PKD1L1: variants seen among roughly 807,000 people sequenced by gnomAD.
PKD1L1 encodes polycystin-1-like protein 1.
A neutral mutation model predicts 323.4 loss-of-function variants in PKD1L1; 236 were observed. That is an observed-to-expected ratio of 0.73 (90% confidence interval 0.66 to 0.81). The LOEUF (loss-of-function observed/expected upper bound fraction) is 0.81. Among genes scored for constraint, PKD1L1 ranks in the 40% least tolerant of loss-of-function variants. PKD1L1 has a pLI of 0.00. For missense variants in PKD1L1, 3,320 were observed against 3,508.0 expected, an observed-to-expected ratio of 0.95 and a Z score of 1.35; for synonymous variants, 1,344 against 1,335.0, an observed-to-expected ratio of 1.01 and a Z score of -0.15.
At chr7:47,886,459 C>T (rs1004739992) in intron 17 of PKD1L1, among the ~76,000 whole-genome samples, 5 of 152,084 alleles carry the variant, frequency 3.3e-5, no homozygotes, top group Non-Finnish European at 7.4e-5. Context: ...GATGTTTTGC[C>T]CCTCTAAGTC....
Position 47,839,366 on chromosome 7 carries a change from T to C in PKD1L1, c.5769+80A>G. ...TTAGAAGAGTTCAAAGACACAACTG[T>C]GGCAAGCGAAGCAGAGACAGGTGCC... On this transcript the variant is annotated intron_variant, in intron 36 of 56. Coordinates refer to ENST00000289672, the MANE Select transcript of PKD1L1 (RefSeq NM_138295.5). This position sits in a 1 kb window ranked among gnomAD's most constrained non-coding sequence, Gnocchi z 4.3. The C allele has an allele frequency of 1.7e-6, 2 of 1,147,522 alleles. No individual in the cohort carries two copies. Among genetic ancestry groups the C allele is most frequent in the Non-Finnish European group, 2.5e-6 (2 of 799,478 alleles). 71.1% of individuals were successfully genotyped at this position (1,147,522 alleles called of 1,614,324 possible). A position where few individuals can be genotyped will look rare whatever the true frequency, so the allele number is the denominator to read the frequency against.
chr7:47,857,499 A>G, intron 28 of PKD1L1, 106 bp downstream of exon 28: 1 of 929,360 alleles, frequency 1.1e-6, no homozygotes, highest in Non-Finnish European at 1.6e-6. Context: ...ACATGCAAAA[A>G]ACAGGTGCAA....
chr7:47,889,142 G>A (rs1176967341), intron 16 of PKD1L1, among the ~76,000 whole-genome samples: 1 of 152,084 alleles, frequency 6.6e-6, no homozygotes, highest in Non-Finnish European at 1.5e-5. Context: ...TGGGGTGATG[G>A]GGGTGCAGAC....
chr7:47,862,557 G>T (rs566020102), intron 26 of PKD1L1, among the ~76,000 whole-genome samples: 1 of 152,314 alleles, frequency 6.6e-6, no homozygotes, highest in Admixed American at 6.5e-5. Context: ...CAGCATTAAA[G>T]AAATAAATGA....
chr7:47,816,563 G>T (rs764739818), intron 46 of PKD1L1, among the ~76,000 whole-genome samples: 1 of 152,284 alleles, frequency 6.6e-6, no homozygotes, highest in South Asian at 2.1e-4. Flanking sequence ...CTGAAGAATG[G>T]AAAGGATGGG....
chr7:47,890,134 C>A (rs184403409), intron 16 of PKD1L1, among the ~76,000 whole-genome samples: 65 of 152,350 alleles, frequency 4.3e-4, no homozygotes, highest in African/African-American at 1.5e-3. Context: ...GCTGTCCCCT[C>A]CATCCTGTGA....
chr7:47,890,909 G>A (rs76612500), intron 15 of PKD1L1, 146 bp from the exon 16 acceptor site: 13,880 of 736,634 alleles, frequency 0.019, 577 homozygotes, highest in African/African-American at 0.14. Flanking sequence ...ATTTTCTCCT[G>A]TAACTGAAGT....
chr7:47,843,752 T>G (rs76683132), intron 33 of PKD1L1, among the ~76,000 whole-genome samples: 3,347 of 152,198 alleles, frequency 0.022, 119 homozygotes, highest in African/African-American at 0.075. Flanking sequence ...TAGAATGACA[T>G]TCATATCAAG....
intron 45 of PKD1L1, among the ~76,000 whole-genome samples, chr7:47,822,710 A>C (rs774985455): frequency 1.3e-5 from 2 of 151,644 alleles, no homozygotes; most frequent in African/African-American, 2.4e-5. Flanking sequence ...CACACAGTCT[A>C]TCTCTCCATT....
chr7:47,940,102 TTCCTGA>T, intron 3 of PKD1L1, 85 bp downstream of exon 3: 1 of 1,508,834 alleles, frequency 6.6e-7, no homozygotes, highest in Non-Finnish European at 9.1e-7. Context: ...CCCTGATGAA[TTCCTGA>T]TGAAACATGG....
At chr7:47,894,688 T>A (rs1382649292) in intron 14 of PKD1L1, among the ~76,000 whole-genome samples, 1 of 151,860 alleles carries the variant, frequency 6.6e-6, no homozygotes, top group Non-Finnish European at 1.5e-5. Context: ...TCATCTCTAC[T>A]AAAAATACAA....
chr7:47,927,544 G>A (rs1484394502), intron 7 of PKD1L1, among the ~76,000 whole-genome samples: 8 of 152,136 alleles, frequency 5.3e-5, no homozygotes, highest in Non-Finnish European at 7.3e-5. Context: ...TATTACAGGC[G>A]TGAGCCACCA....
At chr7:47,944,835 C>T (rs922241340) in intron 1 of PKD1L1, among the ~76,000 whole-genome samples, 3 of 152,188 alleles carry the variant, frequency 2.0e-5, no homozygotes, top group East Asian at 1.9e-4. Flanking sequence ...TGGCACCAAT[C>T]GACTTGAGAA....
chr7:47,881,041 G>T (rs1304573617), intron 20 of PKD1L1, among the ~76,000 whole-genome samples: 2 of 151,912 alleles, frequency 1.3e-5, no homozygotes, highest in Non-Finnish European at 2.9e-5. Flanking sequence ...GCTCAGAAAT[G>T]ACACTAATGT....
intron 56 of PKD1L1, among the ~76,000 whole-genome samples, chr7:47,788,638 T>C (rs1308987062): frequency 1.3e-5 from 2 of 149,282 alleles, no homozygotes; most frequent in African/African-American, 2.5e-5. Flanking sequence ...TTCTGTTGCC[T>C]AGGCTGGAGT....
chr7:47,811,923 C>T lies in PKD1L1; in HGVS notation c.7475G>A (p.Arg2492Lys). 6.2e-7 allele frequency: 1 copy of T among 1,608,892 alleles called. No individual in the cohort carries two copies. The highest frequency in any genetic ancestry group is 8.5e-7 in the Non-Finnish European group (1 of 1,177,892). ...PTQLFTSVSLRVEILPTGSLV... is the reference protein window; with the variant it reads ...PTQLFTSVSLKVEILPTGSLV... ...ACTCCCCGTAGGGAGGATCTCCACT[C>T]TCAGGGACACGCTGGTGAAGAGTTG... Residue 2492 changes from arginine to lysine, a missense_variant, in exon 50 of 57, where the codon AGA (arginine) becomes AAA (lysine). Physicochemically the swap from Arg to Lys is conservative, Grantham distance 26. Coordinates refer to ENST00000289672, the MANE Select transcript of PKD1L1 (RefSeq NM_138295.5).
intron 26 of PKD1L1, among the ~76,000 whole-genome samples, chr7:47,862,610 C>G (rs1331716419): frequency 6.6e-6 from 1 of 152,120 alleles, no homozygotes; most frequent in Non-Finnish European, 1.5e-5. Flanking sequence ...TAGCCCATAA[C>G]AGGAAGAGAG....
At chr7:47,789,769 T>C (rs1183207946) in intron 56 of PKD1L1, among the ~76,000 whole-genome samples, 2 of 152,256 alleles carry the variant, frequency 1.3e-5, no homozygotes, top group Admixed American at 6.5e-5. Flanking sequence ...ATGGTTTAAA[T>C]ATAAATACAT....
chr7:47,931,634 T>A (rs190757886), intron 5 of PKD1L1, among the ~76,000 whole-genome samples: 1 of 152,216 alleles, frequency 6.6e-6, no homozygotes, highest in Non-Finnish European at 1.5e-5. Context: ...GCTAAGCCAA[T>A]AGAAAATTAG....
Sources: gnomAD v4.1 joint callset for allele counts (sites outside exome capture counted in the v4.1 genomes callset) on GRCh38, gnomAD v4.1.1 for gene constraint, Gnocchi (gnomAD v3.1) non-coding constraint, MANE v1.5 for transcripts, NCBI Gene and HGNC (gene_info 2026-07-23, HGNC 2026-07-21) for gene names.